Variants in ADCY8 observed in about 807,000 individuals in gnomAD.
ADCY8 encodes the protein adenylate cyclase type 8.
A neutral mutation model predicts 119.7 loss-of-function variants in ADCY8; 51 were observed. That is an observed-to-expected ratio of 0.43 (90% CI 0.34 to 0.54). The LOEUF (loss-of-function observed/expected upper bound fraction) is 0.54, where lower values mean the gene tolerates loss of function less well. Ranked by LOEUF, ADCY8 falls within the 20% of genes least tolerant of loss-of-function variation. The probability of loss-of-function intolerance (pLI) is 0.03; values close to 1 mark genes in which losing one functional copy is unlikely to be tolerated. For missense variants in ADCY8, 1,383 were observed against 1,598.8 expected (o/e 0.87, Z 2.30); for synonymous variants, 665 against 651.0 (o/e 1.02, Z -0.33).
chr8:130,847,513 G>T lies in ADCY8; in HGVS notation c.2413C>A (p.Leu805Met). 6.4e-7 allele frequency: 1 copy of T among 1,572,732 alleles called. No homozygotes were observed. Among genetic ancestry groups the T allele is most frequent in the Non-Finnish European group, 8.6e-7 (1 of 1,162,936 alleles). ...INFLGAILNI[L>M]WCDFDKSIPL... ...ATCGACTTGTCAAAATCACACCACA[G>T]CTGCGGATTAAAAAAAAAAAAAAAA... The change falls in exon 11 of 18, where the codon CTG becomes ATG. Residue 805 changes from leucine to methionine, a missense_variant and splice_region_variant. By Grantham distance (15) the Leu-to-Met change is conservative (BLOSUM62 2). Around this residue, in one of 2 missense-constraint regions of ADCY8, gnomAD observed 928 missense variants for 1,163.5 expected, o/e 0.80. Transcript: ENST00000286355.
intron 8 of ADCY8, among the ~76,000 whole-genome samples, chr8:130,879,076 T>G (rs1818669721): frequency 1.3e-5 from 2 of 152,178 alleles, no homozygotes; most frequent in African/African-American, 4.8e-5. Context: ...AAGTTTTGGG[T>G]TGGCTACTCT....
At chr8:131,035,492 G>C (rs1824125425) in intron 1 of ADCY8, among the ~76,000 whole-genome samples, 2 of 152,078 alleles carry the variant, frequency 1.3e-5, no homozygotes, top group African/African-American at 4.8e-5. Flanking sequence ...TTCCTGAGTG[G>C]CCCCTTTTAG....
intron 1 of ADCY8, among the ~76,000 whole-genome samples, chr8:131,003,657 GA>G (rs1823024354): frequency 6.6e-6 from 1 of 152,046 alleles, no homozygotes; most frequent in African/African-American, 2.4e-5. Context: ...TCACAGAAAA[GA>G]AAATTGAGGC....
chr8:131,026,585 T>C (rs13276850), intron 1 of ADCY8, among the ~76,000 whole-genome samples: 3,698 of 152,232 alleles, frequency 0.024, 48 homozygotes, highest in East Asian at 0.057. Flanking sequence ...CAAGCATCCA[T>C]TACCTGGCAA....
intron 1 of ADCY8, among the ~76,000 whole-genome samples, chr8:130,993,801 C>G (rs995249021): frequency 1.3e-5 from 2 of 152,142 alleles, no homozygotes; most frequent in African/African-American, 2.4e-5. Context: ...TCAGGTATGT[C>G]TTTATCAACC....
intron 9 of ADCY8, 55 bp from the exon 10 acceptor site, chr8:130,849,858 G>A: frequency 6.7e-7 from 1 of 1,490,538 alleles, no homozygotes; most frequent in Non-Finnish European, 9.2e-7. Context: ...GAGCAACACT[G>A]AAATTCTATT....
intron 13 of ADCY8, among the ~76,000 whole-genome samples, chr8:130,819,891 T>C (rs1202059360): frequency 6.6e-6 from 1 of 152,240 alleles, no homozygotes; most frequent in African/African-American, 2.4e-5. Flanking sequence ...TGCAGTGTCC[T>C]GGGTCACTGT....
chr8:130,985,105 C>A (rs944253328), intron 2 of ADCY8, among the ~76,000 whole-genome samples: 3 of 151,986 alleles, frequency 2.0e-5, no homozygotes, highest in Non-Finnish European at 4.4e-5. Flanking sequence ...TCAAGTTCCC[C>A]CTAGTAAAAT....
intron 1 of ADCY8, among the ~76,000 whole-genome samples, chr8:131,020,051 G>A (rs1469203578): frequency 1.3e-5 from 2 of 152,070 alleles, no homozygotes; most frequent in African/African-American, 4.8e-5. Flanking sequence ...GTAGAAGATG[G>A]CATAGGTCTT....
chr8:130,894,590 A>T (rs1203016178), intron 7 of ADCY8, among the ~76,000 whole-genome samples: 1 of 152,180 alleles, frequency 6.6e-6, no homozygotes, highest in Non-Finnish European at 1.5e-5. Context: ...TCACAACAGT[A>T]GTTTGGGAAT....
intron 8 of ADCY8, among the ~76,000 whole-genome samples, 179 bp from the exon 9 acceptor site, chr8:130,868,125 G>A (rs1316918098): frequency 2.0e-5 from 3 of 152,152 alleles, no homozygotes; most frequent in Non-Finnish European, 4.4e-5. Context: ...TCCAGTGAGA[G>A]CCCAGGAGTA....
At chr8:130,897,224 G>A (rs1819424197) in intron 7 of ADCY8, among the ~76,000 whole-genome samples, 1 of 152,086 alleles carries the variant, frequency 6.6e-6, no homozygotes, top group Non-Finnish European at 1.5e-5. Context: ...GGATCCACAA[G>A]GAGGTTTCAA....
intron 5 of ADCY8, among the ~76,000 whole-genome samples, chr8:130,919,255 G>A (rs1257627141): frequency 6.6e-6 from 1 of 152,068 alleles, no homozygotes; most frequent in African/African-American, 2.4e-5. Context: ...TGGAGAGTGT[G>A]GGGAGTCCTG....
At chr8:131,030,971 C>T (rs1299104064) in intron 1 of ADCY8, among the ~76,000 whole-genome samples, 1 of 152,200 alleles carries the variant, frequency 6.6e-6, no homozygotes, top group Non-Finnish European at 1.5e-5. Context: ...TTCTACTTTT[C>T]CATGCCTGCA....
At chr8:131,017,915 C>T (rs1823533503) in intron 1 of ADCY8, among the ~76,000 whole-genome samples, 1 of 152,108 alleles carries the variant, frequency 6.6e-6, no homozygotes, top group Non-Finnish European at 1.5e-5. Flanking sequence ...CCCTTGTTTC[C>T]TTATCTGATA....
intron 11 of ADCY8, among the ~76,000 whole-genome samples, chr8:130,846,530 C>CCCTTCCTTCCTTCCTT (rs764912713): frequency 6.1e-5 from 8 of 131,532 alleles, no homozygotes; most frequent in South Asian, 2.6e-4. Flanking sequence ...CTCCCTCCCT[C>CCCTTCCTTCCTTCCTT]CCTTCCTTCC....
intron 3 of ADCY8, among the ~76,000 whole-genome samples, chr8:130,950,184 A>G (rs1288998212): frequency 1.3e-5 from 2 of 152,180 alleles, no homozygotes; most frequent in Non-Finnish European, 2.9e-5. Flanking sequence ...CTCTGACTCT[A>G]TGTTTGGGAA....
chr8:130,933,818 T>C (rs756543982), intron 5 of ADCY8, among the ~76,000 whole-genome samples: 42 of 152,252 alleles, frequency 2.8e-4, no homozygotes, highest in Admixed American at 5.9e-4. Context: ...GTTATCTCTG[T>C]AACATATCTT....
chr8:130,851,929 C>T (rs1379296952), intron 9 of ADCY8, among the ~76,000 whole-genome samples: 3 of 152,096 alleles, frequency 2.0e-5, no homozygotes, highest in East Asian at 3.9e-4. Context: ...AATTGAGGAA[C>T]TCTGAGGCTG....
Sources: allele counts gnomAD v4.1 joint callset (sites outside exome capture counted in the v4.1 genomes callset), GRCh38; gene constraint gnomAD v4.1.1; regional missense constraint gnomAD v4.1.1; transcripts MANE v1.5; gene names NCBI Gene and HGNC (gene_info 2026-07-23, HGNC 2026-07-21).